Variants in VDAC1 observed in about 807,000 individuals in gnomAD.
VDAC1 encodes voltage dependent anion channel 1.
VDAC1 carries 10 observed loss-of-function variants against 34.7 expected under a neutral mutation model. The ratio of observed to expected loss-of-function variants is 0.29; its 90% CI spans 0.18 to 0.49. VDAC1 has a LOEUF of 0.49. Ranked by LOEUF, VDAC1 falls within the 20% of genes least tolerant of loss-of-function variation. The pLI is 0.99. For missense variants in VDAC1, 230 were observed against 347.9 expected, an observed-to-expected ratio of 0.66 and a Z score of 2.69; for synonymous variants, 130 against 136.0, an observed-to-expected ratio of 0.96 and a Z score of 0.30.
At chr5:133,997,114 T>G (rs1389892448) in intron 1 of VDAC1, among the ~76,000 whole-genome samples, 2 of 152,130 alleles carry the variant, frequency 1.3e-5, no homozygotes, top group Non-Finnish European at 2.9e-5. Flanking sequence ...TAATATCCAG[T>G]GTCAGTGAGG....
chr5:134,046,020 C>A, the VDAC1 span, among the ~76,000 whole-genome samples: 1 of 142,274 alleles, frequency 7.0e-6, no homozygotes, highest in Non-Finnish European at 1.5e-5. Context: ...TTTATTTATT[C>A]TATTTATTTA....
the VDAC1 span, among the ~76,000 whole-genome samples, chr5:134,033,067 G>T: frequency 6.6e-6 from 1 of 151,358 alleles, no homozygotes; most frequent in Non-Finnish European, 1.5e-5. Context: ...GAGGAGAGGA[G>T]AGGAGAGGAA....
the VDAC1 span, among the ~76,000 whole-genome samples, chr5:134,020,740 G>A: frequency 4.3e-3 from 654 of 152,034 alleles, 9 homozygotes; most frequent in African/African-American, 0.015. Flanking sequence ...GCAGTGGCGC[G>A]ATCTCGGCTC....
chr5:134,061,039 A>G, the VDAC1 span, among the ~76,000 whole-genome samples: 112 of 149,878 alleles, frequency 7.5e-4, 1 homozygote, highest in African/African-American at 2.6e-3. Flanking sequence ...CACCTGACTC[A>G]TTTTTTGTAT....
the VDAC1 span, among the ~76,000 whole-genome samples, chr5:134,087,164 G>A: frequency 1.3e-5 from 2 of 152,246 alleles, no homozygotes; most frequent in Admixed American, 1.3e-4. Flanking sequence ...GGCGCACACC[G>A]GGCCTTGTGG....
At chr5:134,003,248 T>C (rs975640312) in intron 1 of VDAC1, among the ~76,000 whole-genome samples, 30 of 152,114 alleles carry the variant, frequency 2.0e-4, no homozygotes, top group African/African-American at 6.8e-4. Flanking sequence ...AGGAGCTGAG[T>C]TGGTCCAGAG....
intron 5 of VDAC1, among the ~76,000 whole-genome samples, chr5:133,981,742 T>A (rs1752708694): frequency 6.6e-6 from 1 of 152,174 alleles, no homozygotes; most frequent in South Asian, 2.1e-4. Flanking sequence ...TTACCAAAAG[T>A]ACACACTGGA....
the VDAC1 span, among the ~76,000 whole-genome samples, chr5:134,042,160 T>C: frequency 6.6e-6 from 1 of 152,158 alleles, no homozygotes; most frequent in Admixed American, 6.5e-5. Flanking sequence ...CAGGGCTGTC[T>C]ACTGACCAGG....
intron 5 of VDAC1, among the ~76,000 whole-genome samples, chr5:133,983,277 A>C (rs1752771032): frequency 6.6e-6 from 1 of 151,932 alleles, no homozygotes. Context: ...AAAAGAAATG[A>C]TCAACTTTTT....
intron 1 of VDAC1, among the ~76,000 whole-genome samples, chr5:133,996,762 G>GA (rs1207532409): frequency 6.6e-6 from 1 of 152,166 alleles, no homozygotes; most frequent in African/African-American, 2.4e-5. Context: ...TAGCAATGGG[G>GA]AAAAAAGTAG....
chr5:134,048,848 AC>A, the VDAC1 span, among the ~76,000 whole-genome samples: 2 of 152,052 alleles, frequency 1.3e-5, no homozygotes, highest in Non-Finnish European at 2.9e-5. Flanking sequence ...TTTATTTACT[AC>A]TGCAGCTCCA....
At chr5:134,093,501 G>C in the VDAC1 span, among the ~76,000 whole-genome samples, 22,868 of 152,172 alleles carry the variant, frequency 0.15, 2,998 homozygotes, top group African/African-American at 0.35. Flanking sequence ...GCCAGGGCAG[G>C]CTGTCCCCTC....
the VDAC1 span, among the ~76,000 whole-genome samples, chr5:134,049,614 A>T: frequency 6.6e-6 from 1 of 151,418 alleles, no homozygotes; most frequent in East Asian, 2.0e-4. Context: ...ACAGAGTCTC[A>T]CTCTGTTGCC....
the VDAC1 span, among the ~76,000 whole-genome samples, chr5:134,093,593 A>G: frequency 6.6e-6 from 1 of 152,182 alleles, no homozygotes; most frequent in East Asian, 1.9e-4. Context: ...GTCTTTCCAC[A>G]GGGTCTGACC....
the VDAC1 span, among the ~76,000 whole-genome samples, chr5:134,113,007 G>A: frequency 9.9e-5 from 15 of 152,160 alleles, no homozygotes; most frequent in African/African-American, 3.4e-4. Flanking sequence ...CCTTTCAGCT[G>A]TCCCAGAGGA....
intron 2 of VDAC1, 145 bp from the exon 3 acceptor site, chr5:133,992,500 C>T (rs571041317): frequency 2.2e-4 from 115 of 525,538 alleles, no homozygotes; most frequent in African/African-American, 1.5e-3. Flanking sequence ...TCTGCTGCTG[C>T]TCGTGGGGGG....
the VDAC1 span, among the ~76,000 whole-genome samples, chr5:134,054,583 C>T: frequency 6.5e-3 from 992 of 151,804 alleles, 9 homozygotes; most frequent in African/African-American, 0.022. Flanking sequence ...CCTCAGCCTC[C>T]GGAGTAGCTG....
At chr5:133,986,569 G>A (rs867496208) in intron 5 of VDAC1, among the ~76,000 whole-genome samples, 1 of 151,904 alleles carries the variant, frequency 6.6e-6, no homozygotes, top group Non-Finnish European at 1.5e-5. Flanking sequence ...GCTAATTTTT[G>A]TATTTTTAGT....
chr5:134,001,157 T>C (rs72792770), intron 1 of VDAC1, among the ~76,000 whole-genome samples: 12 of 152,308 alleles, frequency 7.9e-5, no homozygotes, highest in Non-Finnish European at 1.6e-4. Context: ...GTTAGCACCT[T>C]GCAAGGGTCC....
Sources: gnomAD v4.1 joint callset for allele counts (sites outside exome capture counted in the v4.1 genomes callset) on GRCh38, gnomAD v4.1.1 for gene constraint, MANE v1.5 for transcripts, NCBI Gene and HGNC (gene_info 2026-07-23, HGNC 2026-07-21) for gene names.